TSHR: variants seen among roughly 807,000 people sequenced by gnomAD.
TSHR encodes the protein thyroid stimulating hormone receptor, also known as thyrotropin receptor.
In TSHR, 51 loss-of-function variants were observed where a neutral mutation model predicts 64.1. The ratio of observed to expected loss-of-function variants is 0.80; its 90% CI spans 0.64 to 1.01. The LOEUF (loss-of-function observed/expected upper bound fraction) is 1.01. Among genes scored for constraint, TSHR ranks in the 50% least tolerant of loss-of-function variants. The probability of loss-of-function intolerance (pLI) is 0.00; values close to 1 mark genes in which losing one functional copy is unlikely to be tolerated. For synonymous variants in TSHR, 361 were observed against 361.9 expected, an observed-to-expected ratio of 1.00 and a Z score of 0.03; for missense variants, 877 against 942.8, an observed-to-expected ratio of 0.93 and a Z score of 0.91.
intron 1 of TSHR, among the ~76,000 whole-genome samples, chr14:81,031,503 G>T (rs970525646): frequency 6.6e-6 from 1 of 152,054 alleles, no homozygotes; most frequent in Admixed American, 6.6e-5. Flanking sequence ...TATATTTTCA[G>T]GGAAAATCTA....
At chr14:81,010,351 A>C (rs948114659) in intron 1 of TSHR, among the ~76,000 whole-genome samples, 6 of 152,030 alleles carry the variant, frequency 3.9e-5, no homozygotes, top group African/African-American at 7.2e-5. Context: ...TATTCTATAG[A>C]TAATTTAAAT....
intron 1 of TSHR, among the ~76,000 whole-genome samples, chr14:80,969,598 G>A (rs149635489): frequency 6.6e-6 from 1 of 152,166 alleles, no homozygotes; most frequent in Non-Finnish European, 1.5e-5. Flanking sequence ...GAAGTATCTT[G>A]ATTAGACTTG....
chr14:81,074,512 T>C (rs898431538), intron 3 of TSHR, among the ~76,000 whole-genome samples: 6 of 152,198 alleles, frequency 3.9e-5, no homozygotes, highest in African/African-American at 9.6e-5. Flanking sequence ...AGTATCGATA[T>C]AGAATGATTT....
chr14:81,068,542 A>G, intron 3 of TSHR: 1 of 539,316 alleles, frequency 1.9e-6, no homozygotes, highest in Non-Finnish European at 3.4e-6. Flanking sequence ...ACAACATTAA[A>G]AGTTCTGTTC....
intron 7 of TSHR, among the ~76,000 whole-genome samples, chr14:81,097,425 C>T (rs1410265030): frequency 6.6e-6 from 1 of 152,104 alleles, no homozygotes; most frequent in Non-Finnish European, 1.5e-5. Flanking sequence ...AAATCTGTTG[C>T]GTATGGGGCT....
intron 7 of TSHR, among the ~76,000 whole-genome samples, chr14:81,106,620 C>G (rs1457665089): frequency 6.6e-6 from 1 of 152,038 alleles, no homozygotes; most frequent in Non-Finnish European, 1.5e-5. Context: ...GTAATGGCTA[C>G]TTTAGATTAG....
intron 1 of TSHR, among the ~76,000 whole-genome samples, chr14:81,046,840 C>T (rs1269717779): frequency 3.3e-5 from 5 of 151,892 alleles, no homozygotes; most frequent in Admixed American, 3.3e-4. Flanking sequence ...AAATTACCTA[C>T]AAAGGAATGA....
intron 1 of TSHR, chr14:80,995,225 C>A (rs1888947061): frequency 6.6e-6 from 1 of 151,892 alleles, no homozygotes; most frequent in South Asian, 2.1e-4. Flanking sequence ...AATGCTTTTA[C>A]CCTGTTGGGA....
chr14:81,045,700 G>A (rs1290140212), intron 1 of TSHR, among the ~76,000 whole-genome samples: 1 of 152,080 alleles, frequency 6.6e-6, no homozygotes, highest in African/African-American at 2.4e-5. Context: ...AATAATTATG[G>A]AAGCTAGAAA....
At chr14:81,097,623 C>A (rs1889294549) in intron 7 of TSHR, among the ~76,000 whole-genome samples, 2 of 152,204 alleles carry the variant, frequency 1.3e-5, no homozygotes, top group Admixed American at 1.3e-4. Flanking sequence ...TAACCCTATG[C>A]AGTGGCTCTG....
At chr14:81,115,325 A>G (rs1890447889) in intron 8 of TSHR, among the ~76,000 whole-genome samples, 1 of 150,386 alleles carries the variant, frequency 6.6e-6, no homozygotes, top group East Asian at 2.0e-4. Flanking sequence ...CAATACAGAG[A>G]AGTGCTTAAA....
intron 1 of TSHR, among the ~76,000 whole-genome samples, chr14:80,979,229 A>T (rs1015061721): frequency 3.3e-5 from 5 of 152,350 alleles, no homozygotes; most frequent in Non-Finnish European, 5.9e-5. Flanking sequence ...GATCTCATGC[A>T]TATGTGGAGT....
intron 3 of TSHR, among the ~76,000 whole-genome samples, chr14:81,086,139 G>A (rs986798627): frequency 1.3e-5 from 2 of 152,214 alleles, no homozygotes; most frequent in African/African-American, 2.4e-5. Context: ...GGTATAAACT[G>A]TTGATGCTTT....
At chr14:81,087,307 G>A (rs1008360788) in intron 3 of TSHR, among the ~76,000 whole-genome samples, 3 of 152,198 alleles carry the variant, frequency 2.0e-5, no homozygotes, top group African/African-American at 7.2e-5. Context: ...TTCATTTCTA[G>A]CAGTTACTTA....
chr14:81,113,940 A>T lies in TSHR; in HGVS notation c.692+5488A>T, dbSNP rs569228695. Reference sequence around the variant, plus strand: ...GTTAAAATGTCATCACCAAGACTCAAGGAGAATAAGCACAGTTGGGGTTAG... The same window carrying T: ...GTTAAAATGTCATCACCAAGACTCATGGAGAATAAGCACAGTTGGGGTTAG... On this transcript the variant is annotated intron_variant, in intron 8 of 9. Transcript: ENST00000298171. Among the ~76,000 whole-genome samples, 17 of 152,302 alleles carry T rather than the reference A, an allele frequency of 1.1e-4. No individual in the cohort carries two copies. In the East Asian group the frequency reaches 2.9e-3, roughly 26 times the overall value.
In TSHR at chr14:80,955,706, T is replaced by C. The variant is rs1235510229; in HGVS notation, c.26T>C (p.Leu9Pro). ...ATGAGGCCGGCGGACTTGCTGCAGC[T>C]GGTGCTGCTGCTCGACCTGCCCAGG... MRPADLLQ[L>P]VLLLDLPRDL... Residue 9 changes from leucine (L) to proline (P), a missense_variant, in exon 1 of 10, where the codon CTG (leucine) becomes CCG (proline). By Grantham distance (98) the Leu-to-Pro change is moderately conservative. Coordinates refer to ENST00000298171, the MANE Select transcript of TSHR (RefSeq NM_000369.5). The C allele has an allele frequency of 6.2e-7, 1 of 1,613,972 alleles. No homozygotes were observed. The highest frequency in any genetic ancestry group is 1.3e-5 in the African/African-American group (1 of 74,934).
intron 1 of TSHR, among the ~76,000 whole-genome samples, chr14:80,990,481 G>A (rs937023917): frequency 5.3e-5 from 8 of 152,158 alleles, no homozygotes; most frequent in Admixed American, 1.3e-4. Context: ...AAGGTTCCTC[G>A]GTTGAGTCCA....
At chr14:81,122,306 G>T (rs529746762) in intron 8 of TSHR, among the ~76,000 whole-genome samples, 1 of 151,816 alleles carries the variant, frequency 6.6e-6, no homozygotes, top group African/African-American at 2.4e-5. Context: ...GCCTACCAAA[G>T]TTCTGGGATT....
intron 8 of TSHR, among the ~76,000 whole-genome samples, chr14:81,122,188 T>C (rs2140067267): frequency 6.6e-6 from 1 of 150,666 alleles, no homozygotes; most frequent in Non-Finnish European, 1.5e-5. Flanking sequence ...GGATTACAGG[T>C]GCCAACACCA....
Sources: allele counts gnomAD v4.1 joint callset (sites outside exome capture counted in the v4.1 genomes callset), GRCh38; gene constraint gnomAD v4.1.1; transcripts MANE v1.5; gene names NCBI Gene and HGNC (gene_info 2026-07-23, HGNC 2026-07-21).